Variants in ARID3A observed in about 807,000 individuals in gnomAD.
ARID3A encodes the protein AT-rich interactive domain-containing protein 3A.
Under a neutral mutation model 52.7 loss-of-function variants are expected in ARID3A, and 11 were observed. That is an observed-to-expected ratio of 0.21 (90% CI 0.13 to 0.35). The LOEUF (loss-of-function observed/expected upper bound fraction) is 0.35. ARID3A is among the 10% of genes least tolerant of loss of function. The probability of loss-of-function intolerance (pLI) is 1.00; values close to 1 mark genes in which losing one functional copy is unlikely to be tolerated. For missense variants in ARID3A, 721 were observed against 838.5 expected, an observed-to-expected ratio of 0.86 and a Z score of 1.73; for synonymous variants, 404 against 359.4, an observed-to-expected ratio of 1.12 and a Z score of -1.40.
chr19:945,362 G>A (rs1459792728), intron 3 of ARID3A, among the ~76,000 whole-genome samples: 2 of 152,204 alleles, frequency 1.3e-5, no homozygotes, highest in Non-Finnish European at 2.9e-5. Flanking sequence ...CTCCTGTAGA[G>A]AGGGGACGGC....
chr19:939,381 T>C (rs1184162356), intron 3 of ARID3A, among the ~76,000 whole-genome samples: 1 of 151,922 alleles, frequency 6.6e-6, no homozygotes, highest in Non-Finnish European at 1.5e-5. Context: ...CCTCCCAGAG[T>C]GCTGGGATGA....
chr19:966,543 G>A lies in ARID3A; in HGVS notation c.1199-29G>A, dbSNP rs747330588. 6.6e-6 allele frequency: 10 copies of A among 1,504,882 alleles called. 1 individual carries two copies. Among genetic ancestry groups the A allele is most frequent in the South Asian group, 1.3e-5 (1 of 74,676 alleles). 93.2% of individuals were successfully genotyped at this position (1,504,882 alleles called of 1,614,324 possible). ...GGAAGGCAGGGCCCAGCCCCTCCTG[G>A]CCACCAATTCCCCTTTTTTCCTACC... On this transcript the variant is annotated intron_variant, in intron 6 of 8. Coordinates refer to ENST00000263620, the MANE Select transcript of ARID3A (RefSeq NM_005224.3).
chr19:961,141 G>A (rs1369099724), intron 4 of ARID3A, among the ~76,000 whole-genome samples: 3 of 152,194 alleles, frequency 2.0e-5, no homozygotes, highest in Admixed American at 2.0e-4. Context: ...CGGGGGAGGA[G>A]GCCTTGGGGC....
chr19:933,445 C>T (rs960207763), intron 3 of ARID3A, among the ~76,000 whole-genome samples: 6 of 152,172 alleles, frequency 3.9e-5, no homozygotes, highest in Non-Finnish European at 2.9e-5. Context: ...CAGATGGTGG[C>T]CAGGCTCACA....
At chr19:935,048 G>A (rs375299015) in intron 3 of ARID3A, among the ~76,000 whole-genome samples, 7 of 152,292 alleles carry the variant, frequency 4.6e-5, no homozygotes, top group Middle Eastern at 3.4e-3. Flanking sequence ...CCTCCCGCCC[G>A]GCCCCTACTG....
intron 3 of ARID3A, among the ~76,000 whole-genome samples, chr19:939,095 CTATTTATT>C (rs57727834): frequency 9.3e-4 from 113 of 121,272 alleles, no homozygotes; most frequent in Middle Eastern, 3.7e-3. Flanking sequence ...CACACCTGGC[CTATTTATT>C]TATTTATTTA....
chr19:964,721 A>T lies in ARID3A; in HGVS notation c.951-112A>T. 1 of 1,475,538 alleles carries T rather than the reference A, an allele frequency of 6.8e-7. No individual in the cohort carries two copies. Among genetic ancestry groups the T allele is most frequent in the Non-Finnish European group, 9.0e-7 (1 of 1,106,582 alleles). 91.4% of individuals were successfully genotyped at this position (1,475,538 alleles called of 1,614,324 possible). On this transcript the variant is annotated intron_variant, in intron 5 of 8. Coordinates refer to ENST00000263620, the MANE Select transcript of ARID3A (RefSeq NM_005224.3). The surrounding 1 kb of genome is among the most constrained non-coding windows in gnomAD (Gnocchi z 5.7). Reference sequence around the variant, plus strand: ...GCTCTGGGGGCTGCTGAGCAAGTCCAAGGGAAGAACCAGGGATGGTGGTGC... The same window carrying T: ...GCTCTGGGGGCTGCTGAGCAAGTCCTAGGGAAGAACCAGGGATGGTGGTGC...
chr19:969,967 A>G (rs1470190732), intron 8 of ARID3A, among the ~76,000 whole-genome samples: 1 of 151,932 alleles, frequency 6.6e-6, no homozygotes, highest in Non-Finnish European at 1.5e-5. Context: ...TGCTGGGATT[A>G]CAGGCATGAA....
chr19:962,461 C>T (rs1460559782), intron 4 of ARID3A, among the ~76,000 whole-genome samples: 1 of 151,906 alleles, frequency 6.6e-6, no homozygotes, highest in Non-Finnish European at 1.5e-5. Flanking sequence ...CCTCCTCCCG[C>T]CCACTGCAGA....
chr19:955,056 G>A lies in ARID3A; in HGVS notation c.694-5036G>A, dbSNP rs923117810. On this transcript the variant is annotated intron_variant, in intron 3 of 8. Transcript: ENST00000263620. Reference sequence around the variant, plus strand: ...GGGCGGCTGATTTCAGAGCTTTCTGGTTGACGTTTCAGAGGGGCAGGGTTT... The same window carrying A: ...GGGCGGCTGATTTCAGAGCTTTCTGATTGACGTTTCAGAGGGGCAGGGTTT... Among the ~76,000 whole-genome samples the A allele has an allele frequency of 2.0e-5, 3 of 152,184 alleles. No homozygotes were observed. The South Asian group carries it at 6.2e-4, about 31-fold the overall frequency.
At chr19:927,145 C>T (rs1037939826) in intron 1 of ARID3A, among the ~76,000 whole-genome samples, 2 of 152,116 alleles carry the variant, frequency 1.3e-5, no homozygotes, top group Admixed American at 6.5e-5. Flanking sequence ...TTGCAAGGCC[C>T]GCGCCGAGCG....
chr19:944,992 T>C lies in ARID3A; in HGVS notation c.693+12250T>C, dbSNP rs1470443192. ...CCCTGTAATTCTTCCCTGACGGCCA[T>C]TTTTCCGGGAGTGGCTGGGCGTCTC... On this transcript the variant is annotated intron_variant, in intron 3 of 8. Coordinates refer to ENST00000263620, the MANE Select transcript of ARID3A (RefSeq NM_005224.3). This position sits in a 1 kb window ranked among gnomAD's most constrained non-coding sequence, Gnocchi z 5.9. Among the ~76,000 whole-genome samples, 6 of 152,116 alleles carry C rather than the reference T, an allele frequency of 3.9e-5. No homozygotes were observed. The highest frequency in any genetic ancestry group is 2.6e-4 in the Admixed American group (4 of 15,262).
At position 960,186 on chromosome 19, in the gene ARID3A, CG is replaced by C; in HGVS notation, c.766+23del. 6.9e-6 allele frequency: 11 copies of C among 1,596,766 alleles called. No homozygotes were observed. Among genetic ancestry groups the C allele is most frequent in the East Asian group, 2.3e-5 (1 of 43,978 alleles). ...CGAGGTGAGCCCTCTGCCCCCACCCCGCTGGAGGGAGGTCACAGAAACAGGG... is the reference window on the plus strand; with the variant it reads ...CGAGGTGAGCCCTCTGCCCCCACCCCCTGGAGGGAGGTCACAGAAACAGGG... On this transcript the variant is annotated intron_variant, in intron 4 of 8. Coordinates refer to ENST00000263620, the MANE Select transcript of ARID3A (RefSeq NM_005224.3). This position sits in a 1 kb window ranked among gnomAD's most constrained non-coding sequence, Gnocchi z 4.3.
At chr19:968,666 G>T in intron 8 of ARID3A, 163 bp downstream of exon 8, 1 of 615,142 alleles carries the variant, frequency 1.6e-6, no homozygotes, top group Non-Finnish European at 2.9e-6. Context: ...CTGATGGAGA[G>T]GATACCATCG....
At chr19:963,407 G>A (rs947468801) in intron 4 of ARID3A, among the ~76,000 whole-genome samples, 2 of 152,234 alleles carry the variant, frequency 1.3e-5, no homozygotes, top group Non-Finnish European at 2.9e-5. Flanking sequence ...CGGACAGAAC[G>A]ATAGGTTTAA....
chr19:969,206 G>T (rs1197536537), intron 8 of ARID3A, among the ~76,000 whole-genome samples: 2 of 152,072 alleles, frequency 1.3e-5, no homozygotes, highest in Non-Finnish European at 2.9e-5. Context: ...GGCATCCAAT[G>T]CCTAATAATC....
chr19:960,584 C>T lies in ARID3A; in HGVS notation c.766+420C>T, dbSNP rs2038019861. ...GTGCAGGTGCGGCAGGACAGAAGCC[C>T]CCCGCCCGGCCGCGAGATGGCTTAG... On this transcript the variant is annotated intron_variant, in intron 4 of 8. Coordinates refer to ENST00000263620, the MANE Select transcript of ARID3A (RefSeq NM_005224.3). This position sits in a 1 kb window ranked among gnomAD's most constrained non-coding sequence, Gnocchi z 4.3. Among the ~76,000 whole-genome samples, 1 of 152,020 alleles carries T rather than the reference C, an allele frequency of 6.6e-6. No homozygotes were observed. Among genetic ancestry groups the T allele is most frequent in the Non-Finnish European group, 1.5e-5 (1 of 67,996 alleles).
chr19:940,965 C>A (rs1281243111), intron 3 of ARID3A, among the ~76,000 whole-genome samples: 7 of 152,112 alleles, frequency 4.6e-5, no homozygotes, highest in African/African-American at 1.7e-4. Flanking sequence ...CCGGCCCGTG[C>A]CCGTGCCAGG....
At chr19:940,957 G>GGCCCGT (rs933245739) in intron 3 of ARID3A, among the ~76,000 whole-genome samples, 1 of 152,104 alleles carries the variant, frequency 6.6e-6, no homozygotes, top group Non-Finnish European at 1.5e-5. Context: ...ACTGTGCCCC[G>GGCCCGT]GCCCGTGCCC....
Sources: gnomAD v4.1 joint callset for allele counts (sites outside exome capture counted in the v4.1 genomes callset) on GRCh38, gnomAD v4.1.1 for gene constraint, Gnocchi (gnomAD v3.1) non-coding constraint, MANE v1.5 for transcripts, NCBI Gene and HGNC (gene_info 2026-07-23, HGNC 2026-07-21) for gene names.